Variants in SLC24A2 observed in about 807,000 individuals in gnomAD.
SLC24A2 encodes the protein solute carrier family 24 member 2.
A neutral mutation model predicts 62.0 loss-of-function variants in SLC24A2; 36 were observed. That is an observed-to-expected ratio of 0.58 (90% CI 0.44 to 0.77). The LOEUF is 0.77. Ranked by LOEUF, SLC24A2 falls within the 30% of genes least tolerant of loss-of-function variation. The probability of loss-of-function intolerance (pLI) is 0.00; values close to 1 mark genes in which losing one functional copy is unlikely to be tolerated. For missense variants in SLC24A2, 846 were observed against 817.9 expected (o/e 1.03, Z -0.42); for synonymous variants, 358 against 294.0 (o/e 1.22, Z -2.23).
At chr9:19,653,712 G>A (rs1264904571) in intron 2 of SLC24A2, among the ~76,000 whole-genome samples, 1 of 151,950 alleles carries the variant, frequency 6.6e-6, no homozygotes, top group Non-Finnish European at 1.5e-5. Context: ...TGTATACTTG[G>A]GCCCTGGCAC....
chr9:20,094,196 G>C, the SLC24A2 span, among the ~76,000 whole-genome samples: 1 of 152,102 alleles, frequency 6.6e-6, no homozygotes, highest in Non-Finnish European at 1.5e-5. Context: ...TACTCATAAG[G>C]CACTTCTGCA....
chr9:19,871,060 C>T, the SLC24A2 span, among the ~76,000 whole-genome samples: 1 of 151,766 alleles, frequency 6.6e-6, no homozygotes, highest in Non-Finnish European at 1.5e-5. Flanking sequence ...ATCTAAGAAA[C>T]TAATCCAAGG....
At chr9:19,609,695 T>A (rs1352562472) in intron 4 of SLC24A2, among the ~76,000 whole-genome samples, 11 of 152,184 alleles carry the variant, frequency 7.2e-5, no homozygotes, top group Non-Finnish European at 1.5e-4. Context: ...ATTGCTTTCA[T>A]GTTTAAATAA....
chr9:19,581,203 G>C (rs924816180), intron 5 of SLC24A2, among the ~76,000 whole-genome samples: 9 of 152,146 alleles, frequency 5.9e-5, no homozygotes, highest in African/African-American at 2.2e-4. Context: ...TCAAGTTTCA[G>C]TGAATCCCCC....
chr9:19,697,196 T>A (rs1179958180), intron 2 of SLC24A2, among the ~76,000 whole-genome samples: 1 of 152,190 alleles, frequency 6.6e-6, no homozygotes, highest in Non-Finnish European at 1.5e-5. Context: ...GAAATTGAAA[T>A]AATGACTTCT....
At chr9:20,272,324 T>C in the SLC24A2 span, among the ~76,000 whole-genome samples, 1 of 152,200 alleles carries the variant, frequency 6.6e-6, no homozygotes, top group Non-Finnish European at 1.5e-5. Context: ...ATTCCTACCA[T>C]CATCCAGAGA....
rs73424040 is a variant in SLC24A2, at chr9:19,519,053, C to A, written c.1736+1841G>T. Reference sequence around the variant, plus strand: ...CCCATAGCAGAAAATTTTTAATAATCCTATAAATGATAATGAAAAAGCCAC... The same window carrying A: ...CCCATAGCAGAAAATTTTTAATAATACTATAAATGATAATGAAAAAGCCAC... On this transcript the variant is annotated intron_variant, in intron 10 of 10. Coordinates refer to ENST00000341998, the MANE Select transcript of SLC24A2 (RefSeq NM_020344.4). Among the ~76,000 whole-genome samples the A allele has an allele frequency of 2.5e-3, 387 of 152,062 alleles. 1 individual carries two copies. The highest frequency in any genetic ancestry group is 8.8e-3 in the African/African-American group (366 of 41,466).
chr9:20,184,869 T>C, the SLC24A2 span, among the ~76,000 whole-genome samples: 1 of 152,112 alleles, frequency 6.6e-6, no homozygotes, highest in African/African-American at 2.4e-5. Flanking sequence ...CCATCACAGA[T>C]GAATGGATTA....
chr9:19,522,105 C>A (rs1707401462), intron 9 of SLC24A2, among the ~76,000 whole-genome samples: 1 of 152,184 alleles, frequency 6.6e-6, no homozygotes, highest in African/African-American at 2.4e-5. Context: ...ACCTCCTGGG[C>A]TCAAGCGATC....
the SLC24A2 span, among the ~76,000 whole-genome samples, chr9:20,019,203 AAAAG>A: frequency 1.5e-3 from 222 of 143,486 alleles, 6 homozygotes; most frequent in East Asian, 2.8e-3. Flanking sequence ...AGAAAGAAGG[AAAAG>A]AAAGAAAGAA....
chr9:19,597,803 C>G (rs1836739785), intron 4 of SLC24A2, among the ~76,000 whole-genome samples: 1 of 152,174 alleles, frequency 6.6e-6, no homozygotes, highest in Admixed American at 6.5e-5. Flanking sequence ...TCTAAACTTC[C>G]CTTTCTCTTC....
chr9:20,102,760 C>T, the SLC24A2 span, among the ~76,000 whole-genome samples: 2 of 152,100 alleles, frequency 1.3e-5, no homozygotes, highest in African/African-American at 4.8e-5. Context: ...CAGCTCCCAG[C>T]ATGAGCGACA....
chr9:19,851,923 T>C, the SLC24A2 span, among the ~76,000 whole-genome samples: 1 of 152,200 alleles, frequency 6.6e-6, no homozygotes, highest in Admixed American at 6.5e-5. Context: ...TCCACAGTGG[T>C]TGAACTAACT....
At chr9:19,614,263 T>C (rs1368722722) in intron 4 of SLC24A2, among the ~76,000 whole-genome samples, 2 of 152,210 alleles carry the variant, frequency 1.3e-5, no homozygotes, top group Non-Finnish European at 2.9e-5. Context: ...GGTTTTCTTA[T>C]AAAAGAAAGA....
chr9:19,857,561 G>C, the SLC24A2 span, among the ~76,000 whole-genome samples: 1 of 152,074 alleles, frequency 6.6e-6, no homozygotes, highest in Admixed American at 6.6e-5. Context: ...TTAGTTTACA[G>C]ATACAAATTA....
the SLC24A2 span, among the ~76,000 whole-genome samples, chr9:19,992,247 C>T: frequency 6.6e-6 from 1 of 152,144 alleles, no homozygotes; most frequent in Non-Finnish European, 1.5e-5. Context: ...TCATATAGGT[C>T]TGAGGCTCAA....
At chr9:20,036,489 T>C in the SLC24A2 span, among the ~76,000 whole-genome samples, 2 of 151,998 alleles carry the variant, frequency 1.3e-5, no homozygotes, top group African/African-American at 4.8e-5. Context: ...ATCTTCCCAT[T>C]CCCCCCCACT....
chr9:19,950,974 A>G, the SLC24A2 span, among the ~76,000 whole-genome samples: 1 of 152,208 alleles, frequency 6.6e-6, no homozygotes, highest in East Asian at 1.9e-4. Context: ...AGTCAGAAGC[A>G]CATCTGACAT....
the SLC24A2 span, among the ~76,000 whole-genome samples, chr9:20,039,799 G>T: frequency 6.6e-6 from 1 of 152,318 alleles, no homozygotes; most frequent in South Asian, 2.1e-4. Context: ...AAGAGGCAGA[G>T]CTGGAACTGT....
Sources: gnomAD v4.1 joint callset for allele counts (sites outside exome capture counted in the v4.1 genomes callset) on GRCh38, gnomAD v4.1.1 for gene constraint, MANE v1.5 for transcripts, NCBI Gene and HGNC (gene_info 2026-07-23, HGNC 2026-07-21) for gene names.